Variants in FCSK observed in about 807,000 individuals in gnomAD.
The protein encoded by FCSK is fucose kinase, also known as L-fucose kinase.
FCSK carries 123 observed loss-of-function variants against 122.5 expected under a neutral mutation model. The observed-to-expected ratio is 1.00, with a 90% CI of 0.87 to 1.17. The LOEUF (loss-of-function observed/expected upper bound fraction) is 1.17, where lower values mean the gene tolerates loss of function less well. FCSK is among the 50% of genes most tolerant of loss of function. The pLI, the probability that FCSK is intolerant of heterozygous loss-of-function variation, is 0.00. For synonymous variants in FCSK, 620 were observed against 625.5 expected, an observed-to-expected ratio of 0.99 and a Z score of 0.13; for missense variants, 1,366 against 1,450.4, an observed-to-expected ratio of 0.94 and a Z score of 0.95.
chr16:70,468,666 G>A lies in FCSK; in HGVS notation c.664-183G>A, dbSNP rs145900317. Reference sequence around the variant, plus strand: ...CTGACAGTTGAGGGTGTCCCAGAAGGTGTCTTGGTGGGAGCTACCCCAAGT... The same window carrying A: ...CTGACAGTTGAGGGTGTCCCAGAAGATGTCTTGGTGGGAGCTACCCCAAGT... On this transcript the variant is annotated intron_variant, in intron 8 of 23. Transcript: ENST00000288078. Among the ~76,000 whole-genome samples, 159 of 152,174 alleles carry A rather than the reference G, an allele frequency of 1.0e-3. 2 individuals carry two copies. The highest frequency in any genetic ancestry group is 1.7e-3 in the Non-Finnish European group (113 of 67,992).
chr16:70,458,458 C>T (rs1356317324), intron 1 of FCSK, among the ~76,000 whole-genome samples: 1 of 151,554 alleles, frequency 6.6e-6, no homozygotes. Context: ...CCATGCCCGG[C>T]CTATTAATTT....
chr16:70,468,334 C>T (rs1330353369), intron 8 of FCSK, among the ~76,000 whole-genome samples: 3 of 152,182 alleles, frequency 2.0e-5, no homozygotes, highest in Non-Finnish European at 2.9e-5. Context: ...GCTCGAGAAT[C>T]GCTTGAACCC....
chr16:70,472,850 G>T lies in FCSK; in HGVS notation c.1407-133G>T, dbSNP rs962086498. On this transcript the variant is annotated intron_variant, in intron 14 of 23. Coordinates refer to ENST00000288078, the MANE Select transcript of FCSK (RefSeq NM_145059.3). ...AAGGATGCCAGGCAGCCTGGCCCCC[G>T]ACCTGAATTGCCCACTTATGCTACC... 3 of 1,170,178 alleles carry T rather than the reference G, an allele frequency of 2.6e-6. No homozygotes were observed. The East Asian group carries it at 7.8e-5, about 31-fold the overall frequency. 72.5% of individuals were successfully genotyped at this position (1,170,178 alleles called of 1,614,324 possible).
In FCSK at chr16:70,467,030, A is replaced by T. The variant is rs749758315; in HGVS notation, c.484+76A>T. 7 of 1,391,288 alleles carry T rather than the reference A, an allele frequency of 5.0e-6. No individual in the cohort carries two copies. In the African/African-American group the frequency reaches 8.5e-5, roughly 17 times the overall value. 86.2% of individuals were successfully genotyped at this position (1,391,288 alleles called of 1,614,324 possible). On this transcript the variant is annotated intron_variant, in intron 6 of 23. Coordinates refer to ENST00000288078, the MANE Select transcript of FCSK (RefSeq NM_145059.3). Reference sequence around the variant, plus strand: ...GAAGCCAGCTCTGCCCTTCTTGCCCACCCTGCCTCTGGGCCTGCCCCGCTG... The same window carrying T: ...GAAGCCAGCTCTGCCCTTCTTGCCCTCCCTGCCTCTGGGCCTGCCCCGCTG...
Position 70,473,802 on chromosome 16 carries a change from T to C in FCSK, c.1778-327T>C, listed in dbSNP as rs549305773. Among the ~76,000 whole-genome samples, 1 of 152,290 alleles carries C rather than the reference T, an allele frequency of 6.6e-6. No homozygotes were observed. The highest frequency in any genetic ancestry group is 2.4e-5 in the African/African-American group (1 of 41,562). ...CAGGGACCGTGGACATGAATGGTATTGAAGCCACTCACCCAGAGCCACACG... is the reference window on the plus strand; with the variant it reads ...CAGGGACCGTGGACATGAATGGTATCGAAGCCACTCACCCAGAGCCACACG... On this transcript the variant is annotated intron_variant, in intron 15 of 23. Transcript: ENST00000288078. This position sits in a 1 kb window ranked among gnomAD's most constrained non-coding sequence, Gnocchi z 4.9.
intron 1 of FCSK, among the ~76,000 whole-genome samples, chr16:70,460,267 A>G (rs1334802582): frequency 1.3e-5 from 2 of 150,972 alleles, no homozygotes; most frequent in Non-Finnish European, 1.5e-5. Context: ...ACCCGCCACC[A>G]CGCCCAGCTA....
intron 7 of FCSK, 179 bp downstream of exon 7, chr16:70,467,650 C>T: frequency 4.7e-6 from 3 of 638,980 alleles, no homozygotes; most frequent in Middle Eastern, 3.0e-4. Flanking sequence ...AAATACATTT[C>T]ACACCGACCG....
chr16:70,470,520 A>G, intron 11 of FCSK, 94 bp downstream of exon 11: 1 of 775,690 alleles, frequency 1.3e-6, no homozygotes, highest in Non-Finnish European at 2.2e-6. Context: ...CTTGGAACAG[A>G]TGACCCGAGT....
Position 70,473,628 on chromosome 16 carries a change from G to A in FCSK, c.1777+275G>A, listed in dbSNP as rs980539980. 7.9e-5 allele frequency among the ~76,000 whole-genome samples: 12 copies of A among 152,156 alleles called. No homozygotes were observed. The highest frequency in any genetic ancestry group is 9.7e-5 in the African/African-American group (4 of 41,442). The stretch of plus-strand genomic sequence containing the variant: ...TCCTAGGCACATCGGCAAACCCTGC[G>A]TGTTCTGTACTGGGTGCCAGGATGT... On this transcript the variant is annotated intron_variant, in intron 15 of 23. Transcript: ENST00000288078. This position sits in a 1 kb window ranked among gnomAD's most constrained non-coding sequence, Gnocchi z 4.9.
In FCSK at chr16:70,466,862, C is replaced by A; in HGVS notation, c.412-20C>A. 6.2e-7 allele frequency: 1 copy of A among 1,609,252 alleles called. No homozygotes were observed. The highest frequency in any genetic ancestry group is 1.1e-5 in the South Asian group (1 of 90,726). The stretch of plus-strand genomic sequence containing the variant: ...GCCTGGGCCAGGCACCAGCTGTGTT[C>A]TGTCTCCTTCCCCCCACAGCTGGGC... On this transcript the variant is annotated intron_variant, in intron 5 of 23. Coordinates refer to ENST00000288078, the MANE Select transcript of FCSK (RefSeq NM_145059.3).
chr16:70,464,251 G>C (rs2048349773), intron 3 of FCSK, among the ~76,000 whole-genome samples: 2 of 152,296 alleles, frequency 1.3e-5, no homozygotes, highest in Admixed American at 6.5e-5. Context: ...TCTGCAGAGG[G>C]AGATGGCACC....
At chr16:70,462,993 G>A (rs2048314671) in intron 1 of FCSK, among the ~76,000 whole-genome samples, 176 bp from the exon 2 acceptor site, 1 of 152,192 alleles carries the variant, frequency 6.6e-6, no homozygotes, top group Admixed American at 6.6e-5. Flanking sequence ...CAAATCAGTG[G>A]TTGTCAGGGC....
intron 4 of FCSK, 24 bp downstream of exon 4, chr16:70,465,200 C>A: frequency 6.3e-7 from 1 of 1,589,864 alleles, no homozygotes; most frequent in South Asian, 1.1e-5. Context: ...GGGGCAGGGG[C>A]CAAGCAGAAG....
chr16:70,470,968 C>G lies in FCSK; in HGVS notation c.1069-3C>G, dbSNP rs894338648. The G allele has an allele frequency of 1.3e-6, 2 of 1,576,986 alleles. No individual in the cohort carries two copies. Among genetic ancestry groups the G allele is most frequent in the African/African-American group, 2.7e-5 (2 of 74,474 alleles). On this transcript the variant is annotated splice_polypyrimidine_tract_variant and splice_region_variant and intron_variant, in intron 11 of 23. Transcript: ENST00000288078. ...CTCATGCTCCTCCTACCTGGCTGCA[C>G]AGGAGCAGCAGCTTCTGGCGGCCGG...
chr16:70,455,815 C>T (rs891013879), intron 1 of FCSK, among the ~76,000 whole-genome samples: 1 of 151,580 alleles, frequency 6.6e-6, no homozygotes, highest in African/African-American at 2.4e-5. Flanking sequence ...TCACTTTAAC[C>T]TGGGAGGCGG....
rs2048565406 is a variant in FCSK at position 70,470,180 on chromosome 16, G to C, written c.956-134G>C. The C allele has an allele frequency of 4.5e-6, 3 of 666,628 alleles. No individual in the cohort carries two copies. The South Asian group carries it at 5.2e-5, about 12-fold the overall frequency. The allele number at this position is 666,628 out of a possible 1,614,324, so 41.3% of individuals were successfully genotyped here. ...TTCTAGCTGTGTTGTGTGGCTTTGG[G>C]CAGGTTCCTGACTCAGCTTCCCCTA... On this transcript the variant is annotated intron_variant, in intron 10 of 23. Transcript: ENST00000288078.
At position 70,468,851 on chromosome 16, in the gene FCSK, CTCTGGGGTTGTCT is replaced by C; in HGVS notation, c.670_682del (p.Gly224SerfsTer10). ...GATCCTTTTGGGGTCCCTTCCAGGT[CTCTGGGGTTGTCT>C]TCTTCTCTGTGGAGACTGCCGAGCG... On this transcript the variant is annotated frameshift_variant, in exon 9 of 24. Coordinates refer to ENST00000288078, the MANE Select transcript of FCSK (RefSeq NM_145059.3). LOFTEE classifies it high-confidence loss of function. 1 of 1,614,048 alleles carries C rather than the reference CTCTGGGGTTGTCT, an allele frequency of 6.2e-7. No individual in the cohort carries two copies. The highest frequency in any genetic ancestry group is 8.5e-7 in the Non-Finnish European group (1 of 1,179,994).
chr16:70,475,058 C>T, intron 18 of FCSK, 47 bp downstream of exon 18: 2 of 1,507,930 alleles, frequency 1.3e-6, no homozygotes, highest in South Asian at 1.2e-5. Flanking sequence ...CAGCTGGGGG[C>T]TCGGGGCAGA....
At chr16:70,476,638 C>T (rs17884097) in intron 20 of FCSK, among the ~76,000 whole-genome samples, 6,195 of 152,160 alleles carry the variant, frequency 0.041, 439 homozygotes, top group African/African-American at 0.14. Context: ...TGTCAGGTCC[C>T]GTCTCCAGCA....
Sources: gnomAD v4.1 joint callset for allele counts (sites outside exome capture counted in the v4.1 genomes callset) on GRCh38, gnomAD v4.1.1 for gene constraint, Gnocchi (gnomAD v3.1) non-coding constraint, MANE v1.5 for transcripts, NCBI Gene and HGNC (gene_info 2026-07-23, HGNC 2026-07-21) for gene names.